The following MCHR2 variants were observed in gnomAD, a reference collection of about 807,000 sequenced individuals.
MCHR2 encodes melanin-concentrating hormone receptor 2.
In MCHR2, 15 loss-of-function variants were observed where a neutral mutation model predicts 24.8. The ratio of observed to expected loss-of-function variants is 0.60; its 90% CI spans 0.40 to 0.93. The LOEUF (loss-of-function observed/expected upper bound fraction) is 0.93. Among genes scored for constraint, MCHR2 ranks in the 40% least tolerant of loss-of-function variants. The pLI is 0.00. For missense variants in MCHR2, 386 were observed against 408.7 expected, an observed-to-expected ratio of 0.94 and a Z score of 0.48; for synonymous variants, 151 against 147.6, an observed-to-expected ratio of 1.02 and a Z score of -0.17.
intron 5 of MCHR2, among the ~76,000 whole-genome samples, chr6:99,923,286 G>T (rs1281862034): frequency 6.6e-6 from 1 of 151,700 alleles, no homozygotes; most frequent in South Asian, 2.1e-4. Flanking sequence ...AGTTTTTTTT[G>T]TGTGTGGAGT....
chr6:99,982,942 G>T (rs889504651), intron 1 of MCHR2, among the ~76,000 whole-genome samples: 4 of 151,834 alleles, frequency 2.6e-5, no homozygotes, highest in Non-Finnish European at 5.9e-5. Flanking sequence ...TGATGTTTTT[G>T]TTTTTTTGTT....
At position 99,921,056 on chromosome 6, in the gene MCHR2, G is replaced by T; in HGVS notation, c.907C>A (p.Pro303Thr). ...CCACTCAGCAGGATGTAGAGAAAAG[G>T]GTTAATGCTGCTGCTGGCATAGCTG... The part of the protein sequence containing the change: ...CLSYASSSIN[P>T]FLYILLSGNF... The change falls in exon 6 of 6, where the codon CCT (proline) becomes ACT (threonine). Residue 303 changes from proline (P) to threonine (T), a missense_variant. Transcript: ENST00000281806. The T allele has an allele frequency of 1.2e-6, 2 of 1,614,160 alleles. No homozygotes were observed. The highest frequency in any genetic ancestry group is 1.7e-6 in the Non-Finnish European group (2 of 1,180,022).
intron 5 of MCHR2, among the ~76,000 whole-genome samples, chr6:99,926,312 T>C (rs975961186): frequency 6.6e-6 from 1 of 152,194 alleles, no homozygotes; most frequent in Non-Finnish European, 1.5e-5. Context: ...CATGTGTCTT[T>C]ATAGCAGCAT....
chr6:99,956,553 T>C (rs1775065239), intron 1 of MCHR2, among the ~76,000 whole-genome samples: 1 of 152,128 alleles, frequency 6.6e-6, no homozygotes, highest in African/African-American at 2.4e-5. Flanking sequence ...GTAACACTTA[T>C]GTTGTTAAAT....
chr6:99,961,278 C>A (rs1012424533), intron 1 of MCHR2, among the ~76,000 whole-genome samples: 1 of 151,926 alleles, frequency 6.6e-6, no homozygotes, highest in Non-Finnish European at 1.5e-5. Context: ...ATTGGTTCAA[C>A]CATTGTGGAA....
chr6:99,991,609 C>T (rs796717386), intron 1 of MCHR2, among the ~76,000 whole-genome samples: 8 of 151,816 alleles, frequency 5.3e-5, no homozygotes, highest in African/African-American at 1.9e-4. Context: ...AGATCGAGAC[C>T]ATCCTGAGCA....
chr6:99,921,673 A>G (rs1354175003), intron 5 of MCHR2, among the ~76,000 whole-genome samples: 1 of 152,210 alleles, frequency 6.6e-6, no homozygotes, highest in Non-Finnish European at 1.5e-5. Flanking sequence ...ATTATTATTG[A>G]CTATAGTCAC....
intron 1 of MCHR2, among the ~76,000 whole-genome samples, chr6:99,959,239 A>C (rs1317227956): frequency 6.6e-6 from 1 of 152,122 alleles, no homozygotes. Flanking sequence ...ATACCAATGG[A>C]AAAAGAAATT....
intron 5 of MCHR2, among the ~76,000 whole-genome samples, chr6:99,927,691 C>A (rs1173151840): frequency 1.3e-5 from 2 of 151,830 alleles, no homozygotes; most frequent in Non-Finnish European, 2.9e-5. Flanking sequence ...GATTTTGTAT[C>A]CTGAGATTTT....
chr6:99,926,328 A>G (rs1774357376), intron 5 of MCHR2, among the ~76,000 whole-genome samples: 1 of 152,176 alleles, frequency 6.6e-6, no homozygotes, highest in South Asian at 2.1e-4. Flanking sequence ...AGCATGATTT[A>G]TAGTCCTTTG....
intron 1 of MCHR2, among the ~76,000 whole-genome samples, chr6:99,984,882 G>A (rs1194634845): frequency 6.6e-6 from 1 of 151,952 alleles, no homozygotes; most frequent in Non-Finnish European, 1.5e-5. Context: ...AAAGTAAGTC[G>A]AATTATTTCT....
chr6:99,975,582 T>C (rs946079874), intron 1 of MCHR2, among the ~76,000 whole-genome samples: 2 of 152,232 alleles, frequency 1.3e-5, no homozygotes, highest in South Asian at 2.1e-4. Flanking sequence ...CCCACTGTCC[T>C]GCACCCACTG....
chr6:99,920,807 T>C lies in MCHR2; in HGVS notation c.*133A>G, dbSNP rs200434958. On this transcript the variant is annotated 3_prime_UTR_variant, in exon 6 of 6. Transcript: ENST00000281806. Reference sequence around the variant, plus strand: ...GCTCATTGTATTTGCATGGTTACACTTCTCTTCCATGCTGCTAAGAGTCAC... The same window carrying C: ...GCTCATTGTATTTGCATGGTTACACCTCTCTTCCATGCTGCTAAGAGTCAC... 18 of 852,484 alleles carry C rather than the reference T, an allele frequency of 2.1e-5. No individual in the cohort carries two copies. Among genetic ancestry groups the C allele is most frequent in the Non-Finnish European group, 3.3e-5 (18 of 538,328 alleles). 52.8% of individuals were successfully genotyped at this position (852,484 alleles called of 1,614,324 possible).
chr6:99,937,751 A>ATTTTT (rs71024679), intron 4 of MCHR2, among the ~76,000 whole-genome samples: 1 of 146,836 alleles, frequency 6.8e-6, no homozygotes. Context: ...CTTCCTCTTC[A>ATTTTT]TTTTTTTTTT....
intron 5 of MCHR2, among the ~76,000 whole-genome samples, chr6:99,923,857 CAG>C (rs1450246208): frequency 6.6e-6 from 1 of 152,042 alleles, no homozygotes; most frequent in East Asian, 1.9e-4. Context: ...GAATATTCAT[CAG>C]AGAGATCTGC....
chr6:99,956,276 A>G (rs1055138373), intron 1 of MCHR2, 102 bp from the exon 2 acceptor site: 1 of 785,944 alleles, frequency 1.3e-6, no homozygotes, highest in Non-Finnish European at 1.9e-6. Flanking sequence ...TTTTAAAACC[A>G]AGATTCCATG....
chr6:99,932,696 A>G (rs1287303716), intron 5 of MCHR2, among the ~76,000 whole-genome samples: 1 of 152,180 alleles, frequency 6.6e-6, no homozygotes, highest in Non-Finnish European at 1.5e-5. Context: ...GTTCTACAGG[A>G]TACCTGGCCA....
chr6:99,986,725 A>G (rs1390032336), intron 1 of MCHR2, among the ~76,000 whole-genome samples: 1 of 152,018 alleles, frequency 6.6e-6, no homozygotes, highest in Non-Finnish European at 1.5e-5. Context: ...GGTACAATAT[A>G]TCCTATTTGG....
At chr6:99,986,863 T>C (rs903967110) in intron 1 of MCHR2, among the ~76,000 whole-genome samples, 1 of 150,236 alleles carries the variant, frequency 6.7e-6, no homozygotes, top group Admixed American at 6.7e-5. Context: ...TATATACATG[T>C]ATAATATACA....
Sources: allele counts gnomAD v4.1 joint callset (sites outside exome capture counted in the v4.1 genomes callset), GRCh38; gene constraint gnomAD v4.1.1; transcripts MANE v1.5; gene names NCBI Gene and HGNC (gene_info 2026-07-23, HGNC 2026-07-21).